RNLS: variants seen among roughly 807,000 people sequenced by gnomAD.
The protein encoded by RNLS is renalase, FAD dependent amine oxidase.
In RNLS, 39 loss-of-function variants were observed where a neutral mutation model predicts 39.8. The observed-to-expected ratio is 0.98, with a 90% confidence interval of 0.76 to 1.28. RNLS has a LOEUF of 1.28. RNLS is among the 50% of genes most tolerant of loss of function. RNLS has a pLI of 0.00. For synonymous variants in RNLS, 147 were observed against 150.7 expected, an observed-to-expected ratio of 0.98 and a Z score of 0.18; for missense variants, 410 against 413.3, an observed-to-expected ratio of 0.99 and a Z score of 0.07.
intron 4 of RNLS, among the ~76,000 whole-genome samples, chr10:88,410,456 G>A (rs981190681): frequency 2.4e-4 from 37 of 152,018 alleles, no homozygotes; most frequent in African/African-American, 8.9e-4. Context: ...TTGACATTTT[G>A]TTACTAAGTT....
At chr10:88,246,950 G>T in the RNLS span, among the ~76,000 whole-genome samples, 1 of 152,172 alleles carries the variant, frequency 6.6e-6, no homozygotes, top group Non-Finnish European at 1.5e-5. Flanking sequence ...TTTTCTAGCC[G>T]TATGGTAATT....
intron 5 of RNLS, among the ~76,000 whole-genome samples, chr10:88,324,682 A>G (rs1846450701): frequency 6.6e-6 from 1 of 152,188 alleles, no homozygotes; most frequent in Non-Finnish European, 1.5e-5. Flanking sequence ...ATACGCATGT[A>G]ACAAATCTGC....
At chr10:88,472,366 G>C (rs777887400) in intron 4 of RNLS, among the ~76,000 whole-genome samples, 1 of 152,172 alleles carries the variant, frequency 6.6e-6, no homozygotes, top group Non-Finnish European at 1.5e-5. Context: ...AGATTAATCT[G>C]GTAGTGGTTT....
In RNLS at chr10:88,387,552, A is replaced by T. The variant is rs537175344; in HGVS notation, c.527-24827T>A. ...AAGATTATTTGTTACAGTGGTGGAG[A>T]CTGAGACAAAAATGAGAATAACAAG... On this transcript the variant is annotated intron_variant, in intron 4 of 6. Transcript: ENST00000331772. 1.2e-3 allele frequency among the ~76,000 whole-genome samples: 178 copies of T among 151,000 alleles called. 3 individuals are homozygous for T. The highest frequency in any genetic ancestry group is 2.1e-3 in the Non-Finnish European group (145 of 67,818).
chr10:88,316,259 T>C (rs182089670), intron 5 of RNLS, among the ~76,000 whole-genome samples: 1 of 152,206 alleles, frequency 6.6e-6, no homozygotes, highest in Non-Finnish European at 1.5e-5. Flanking sequence ...TCTTTGAATG[T>C]TCAATGTGTA....
intron 6 of RNLS, among the ~76,000 whole-genome samples, chr10:88,275,717 A>G (rs920607981): frequency 2.6e-5 from 4 of 152,206 alleles, no homozygotes; most frequent in Non-Finnish European, 4.4e-5. Context: ...GGATACATAC[A>G]TATGGTATCA....
the RNLS span, among the ~76,000 whole-genome samples, chr10:88,194,750 G>T: frequency 6.6e-6 from 1 of 152,074 alleles, no homozygotes; most frequent in African/African-American, 2.4e-5. Flanking sequence ...AACTCCCAAG[G>T]GGATTCTTAT....
At chr10:88,556,252 T>C (rs1167553136) in intron 4 of RNLS, among the ~76,000 whole-genome samples, 1 of 152,168 alleles carries the variant, frequency 6.6e-6, no homozygotes. Context: ...GCCATACTTT[T>C]GAAATCAAGT....
intron 4 of RNLS, among the ~76,000 whole-genome samples, chr10:88,387,964 T>C (rs970432460): frequency 6.6e-6 from 1 of 152,200 alleles, no homozygotes; most frequent in Non-Finnish European, 1.5e-5. Context: ...GGGGAGATGG[T>C]TGTGGTACAA....
chr10:88,354,729 T>G (rs1282152233), intron 5 of RNLS, among the ~76,000 whole-genome samples: 1 of 152,194 alleles, frequency 6.6e-6, no homozygotes, highest in Non-Finnish European at 1.5e-5. Flanking sequence ...CTTTGTGGCG[T>G]TCTCTCTATT....
intron 4 of RNLS, among the ~76,000 whole-genome samples, chr10:88,525,921 C>A (rs551649476): frequency 1.3e-5 from 2 of 151,950 alleles, no homozygotes; most frequent in Non-Finnish European, 1.5e-5. Flanking sequence ...GTCTCCTCAG[C>A]CCCTTAGGAA....
chr10:88,483,375 G>A (rs1363244531), intron 4 of RNLS, among the ~76,000 whole-genome samples: 1 of 151,988 alleles, frequency 6.6e-6, no homozygotes, highest in Admixed American at 6.6e-5. Context: ...TATATTCCAG[G>A]CCTTAGCACA....
At chr10:88,461,237 G>T (rs1387728258) in intron 4 of RNLS, among the ~76,000 whole-genome samples, 1 of 152,078 alleles carries the variant, frequency 6.6e-6, no homozygotes, top group Non-Finnish European at 1.5e-5. Flanking sequence ...GGCTCAAGCA[G>T]AAATTAAAGG....
chr10:88,478,726 A>AT (rs1414523324), intron 4 of RNLS, among the ~76,000 whole-genome samples: 2 of 152,054 alleles, frequency 1.3e-5, no homozygotes, highest in South Asian at 2.1e-4. Flanking sequence ...ACTCTGTACC[A>AT]TTTTCTGGCA....
At chr10:88,416,091 T>C (rs1854006789) in intron 4 of RNLS, among the ~76,000 whole-genome samples, 1 of 152,018 alleles carries the variant, frequency 6.6e-6, no homozygotes, top group Admixed American at 6.6e-5. Context: ...AAAAAACTCC[T>C]ACTCTCCTTT....
At chr10:88,575,157 TATACACACAC>T (rs1363313465) in intron 3 of RNLS, among the ~76,000 whole-genome samples, 13 of 36,656 alleles carry the variant, frequency 3.5e-4, no homozygotes, top group South Asian at 9.1e-4. Flanking sequence ...TATATATATA[TATACACACAC>T]ACACACACAC....
At chr10:88,269,921 C>T (rs1044445620), downstream of RNLS, among the ~76,000 whole-genome samples, 1 of 152,186 alleles carries the variant, frequency 6.6e-6, no homozygotes, top group Admixed American at 6.5e-5. Flanking sequence ...GATCTTGTCT[C>T]ATTATAACCT....
chr10:88,247,402 T>C, the RNLS span, among the ~76,000 whole-genome samples: 1 of 152,052 alleles, frequency 6.6e-6, no homozygotes, highest in African/African-American at 2.4e-5. Context: ...ATAAAGGCCT[T>C]AAGGTCAGAA....
intron 4 of RNLS, among the ~76,000 whole-genome samples, chr10:88,534,542 C>A (rs181963114): frequency 3.2e-4 from 49 of 152,214 alleles, no homozygotes; most frequent in Admixed American, 1.2e-3. Context: ...CTAGCTTGAA[C>A]CCCTAATAGT....
Sources: allele counts gnomAD v4.1 joint callset (sites outside exome capture counted in the v4.1 genomes callset), GRCh38; gene constraint gnomAD v4.1.1; transcripts MANE v1.5; gene names NCBI Gene and HGNC (gene_info 2026-07-23, HGNC 2026-07-21).